The following USP7 variants were observed in gnomAD, a reference collection of about 807,000 sequenced individuals.
USP7 encodes ubiquitin C-terminal hydrolase 7.
USP7 carries 9 observed loss-of-function variants against 162.9 expected under a neutral mutation model. The observed-to-expected ratio is 0.06, with a 90% confidence interval of 0.03 to 0.10. The LOEUF (loss-of-function observed/expected upper bound fraction) is 0.10, where lower values mean the gene tolerates loss of function less well. USP7 is among the 10% of genes least tolerant of loss of function. The pLI, the probability that USP7 is intolerant of heterozygous loss-of-function variation, is 1.00. For missense variants in USP7, 715 were observed against 1,373.7 expected (o/e 0.52, Z 7.58); for synonymous variants, 562 against 475.9 (o/e 1.18, Z -2.35).
intron 12 of USP7, among the ~76,000 whole-genome samples, chr16:8,907,476 A>T (rs990180595): frequency 6.6e-6 from 1 of 152,332 alleles, no homozygotes; most frequent in East Asian, 1.9e-4. Context: ...CTGGTGCTCA[A>T]ACTAATCAGG....
chr16:8,962,555 G>A (rs1393452323), intron 1 of USP7: 3 of 423,930 alleles, frequency 7.1e-6, no homozygotes, highest in Non-Finnish European at 9.6e-6. Context: ...ACACCTGGCC[G>A]GATGCTGGCT....
At chr16:8,940,145 A>C (rs755249669) in intron 1 of USP7, among the ~76,000 whole-genome samples, 1 of 151,616 alleles carries the variant, frequency 6.6e-6, no homozygotes, top group African/African-American at 2.4e-5. Context: ...TATTTTTGTG[A>C]CTCCAAATGA....
chr16:8,935,261 T>A (rs1195062942), intron 1 of USP7, among the ~76,000 whole-genome samples: 2 of 150,604 alleles, frequency 1.3e-5, no homozygotes, highest in Non-Finnish European at 2.9e-5. Flanking sequence ...AGTGCAATAG[T>A]GTGACCTCGG....
At chr16:8,922,532 T>TC (rs1156555508) in intron 3 of USP7, among the ~76,000 whole-genome samples, 5 of 152,182 alleles carry the variant, frequency 3.3e-5, no homozygotes, top group Non-Finnish European at 5.9e-5. Flanking sequence ...GTCAGTTCAC[T>TC]CTGGGGAACA....
rs1342854825 is a variant in USP7, at chr16:8,900,994, T to A, written c.2204A>T (p.Tyr735Phe). 13 of 1,613,760 alleles carry A rather than the reference T, an allele frequency of 8.1e-6. No homozygotes were observed. The highest frequency in any genetic ancestry group is 9.3e-6 in the Non-Finnish European group (11 of 1,179,934). Residue 735 changes from tyrosine (Y) to phenylalanine (F), a missense_variant, in exon 20 of 31, where the codon TAT (tyrosine) becomes TTT (phenylalanine). Tyr to Phe is a conservative substitution (Grantham distance 22). Coordinates refer to ENST00000344836, the MANE Select transcript of USP7 (RefSeq NM_003470.3). ...GFIQDTSLIL[Y>F]EEVKPNLTER... is the part of the protein sequence containing the mutation. ...GGAAAAATAAACCATCCAAACCTCATAGAGGATAAGGCTAGTATCTTGAAT... is the reference window on the plus strand; with the variant it reads ...GGAAAAATAAACCATCCAAACCTCAAAGAGGATAAGGCTAGTATCTTGAAT...
In USP7 at chr16:8,952,179, G is replaced by T. The variant is rs1354196768; in HGVS notation, c.79+11028C>A. Reference sequence around the variant, plus strand: ...GTGGGAGGACTCCTGAGCCCCAGGAGTTTGAGGCTATAGTTAACGGTGATT... The same window carrying T: ...GTGGGAGGACTCCTGAGCCCCAGGATTTTGAGGCTATAGTTAACGGTGATT... On this transcript the variant is annotated intron_variant, in intron 1 of 30. Transcript: ENST00000344836. Among the ~76,000 whole-genome samples, 9 of 152,330 alleles carry T rather than the reference G, an allele frequency of 5.9e-5. No homozygotes were observed. The East Asian group carries it at 9.6e-4, about 16-fold the overall frequency.
intron 1 of USP7, among the ~76,000 whole-genome samples, chr16:8,931,971 G>C (rs1292043759): frequency 6.6e-6 from 1 of 152,288 alleles, no homozygotes; most frequent in East Asian, 1.9e-4. Context: ...CCAGGTAGTT[G>C]TGTGTGTGGC....
intron 1 of USP7, among the ~76,000 whole-genome samples, chr16:8,940,001 G>A (rs539571658): frequency 1.3e-3 from 199 of 152,274 alleles, no homozygotes; most frequent in African/African-American, 4.7e-3. Context: ...GGGAGGCTGA[G>A]GCACAAGAAT....
intron 1 of USP7, among the ~76,000 whole-genome samples, chr16:8,951,550 C>G (rs564887888): frequency 1.3e-5 from 2 of 152,270 alleles, no homozygotes; most frequent in Admixed American, 6.5e-5. Flanking sequence ...ATTTGCTCAT[C>G]TGTAAATGCA....
In USP7 at chr16:8,930,331, C is replaced by A; in HGVS notation, c.146G>T (p.Ser49Ile). 1 of 1,613,916 alleles carries A rather than the reference C, an allele frequency of 6.2e-7. No homozygotes were observed. The highest frequency in any genetic ancestry group is 1.3e-5 in the African/African-American group (1 of 75,034). Reference protein sequence around the residue: ...NPVINGNVALSDGHNTAEEDM... With the variant: ...NPVINGNVALIDGHNTAEEDM... ...CTCCTCCGCGGTGTTGTGTCCATCA[C>A]TCAGGGCCACATTCCCATTGATCAC... is the stretch of plus-strand genomic sequence containing the variant. Residue 49 changes from serine (S) to isoleucine (I), a missense_variant, in exon 2 of 31, where the codon AGT (serine) becomes ATT (isoleucine). Physicochemically the swap from Ser to Ile is moderately radical, Grantham distance 142 (BLOSUM62 -2). Transcript: ENST00000344836.
intron 2 of USP7, among the ~76,000 whole-genome samples, chr16:8,923,790 C>T (rs1897840887): frequency 6.6e-6 from 1 of 152,112 alleles, no homozygotes; most frequent in African/African-American, 2.4e-5. Flanking sequence ...GACGGGACTT[C>T]TGGGGGTAAA....
chr16:8,897,398 C>T (rs2061700191), intron 25 of USP7: 2 of 355,224 alleles, frequency 5.6e-6, no homozygotes, highest in Non-Finnish European at 5.1e-6. Flanking sequence ...TCACCCAGGG[C>T]CTTCCCAACT....
rs1436272672 is a variant in USP7, at chr16:8,911,458, C to T, written c.1079-631G>A. ...TGAGTGACAAGCTCTCAATCCAACA[C>T]GGAATTGTATATCCAGAGTGTATGG... On this transcript the variant is annotated intron_variant, in intron 10 of 30. Transcript: ENST00000344836. Among the ~76,000 whole-genome samples the T allele has an allele frequency of 6.6e-5, 10 of 152,176 alleles. No individual in the cohort carries two copies. The East Asian group carries it at 9.6e-4, about 15-fold the overall frequency.
At chr16:8,925,585 G>A (rs1488199624) in intron 2 of USP7, among the ~76,000 whole-genome samples, 1 of 152,140 alleles carries the variant, frequency 6.6e-6, no homozygotes, top group Non-Finnish European at 1.5e-5. Context: ...ACAATGGTGA[G>A]ACTCAGAATT....
chr16:8,962,250 C>A (rs574402629), intron 1 of USP7, among the ~76,000 whole-genome samples: 2 of 152,194 alleles, frequency 1.3e-5, no homozygotes, highest in Admixed American at 1.3e-4. Flanking sequence ...CTCCCGACAG[C>A]CTGAACTCGT....
chr16:8,922,171 T>C (rs1005927298), intron 3 of USP7, among the ~76,000 whole-genome samples: 1 of 152,174 alleles, frequency 6.6e-6, no homozygotes, highest in Non-Finnish European at 1.5e-5. Flanking sequence ...GGCTGCATCA[T>C]AAAATTACCT....
At chr16:8,958,552 G>T (rs1244768324) in intron 1 of USP7, among the ~76,000 whole-genome samples, 1 of 152,228 alleles carries the variant, frequency 6.6e-6, no homozygotes, top group Non-Finnish European at 1.5e-5. Flanking sequence ...AGGCAGCAAG[G>T]GCCTGCTTTC....
intron 1 of USP7, chr16:8,962,729 G>A (rs1900064945): frequency 6.0e-6 from 1 of 166,656 alleles, no homozygotes; most frequent in African/African-American, 2.4e-5. Context: ...GTTAGAAAGT[G>A]ATTTGGAAGA....
At chr16:8,920,506 A>T in intron 4 of USP7, 59 bp from the exon 5 acceptor site, 1 of 1,435,932 alleles carries the variant, frequency 7.0e-7, no homozygotes, top group Non-Finnish European at 9.6e-7. Context: ...TATTCCCAAG[A>T]GACAAATTAC....
Sources: gnomAD v4.1 joint callset for allele counts (sites outside exome capture counted in the v4.1 genomes callset) on GRCh38, gnomAD v4.1.1 for gene constraint, MANE v1.5 for transcripts, NCBI Gene and HGNC (gene_info 2026-07-23, HGNC 2026-07-21) for gene names.